RMST: variants seen among roughly 807,000 people sequenced by gnomAD.
RMST encodes long intergenic non-protein coding RNA 54.
At chr12:97,489,909 A>T (rs1282799076) in intron 5 of RMST, among the ~76,000 whole-genome samples, 1 of 152,208 alleles carries the variant, frequency 6.6e-6, no homozygotes, top group African/African-American at 2.4e-5. Context: ...ACTAAGTCAT[A>T]AGGAAATAAA....
chr12:97,490,670 G>T (rs1296555063), intron 5 of RMST, among the ~76,000 whole-genome samples: 1 of 151,936 alleles, frequency 6.6e-6, no homozygotes, highest in Non-Finnish European at 1.5e-5. Context: ...ACATTCTCAG[G>T]GCTTTCATAT....
rs79484814 is a variant in RMST, at chr12:97,482,037, C to T, written n.645-10424C>T. Among the ~76,000 whole-genome samples the T allele has an allele frequency of 2.2e-3, 339 of 152,256 alleles. 1 individual carries two copies. The highest frequency in any genetic ancestry group is 7.8e-3 in the African/African-American group (325 of 41,548). On this transcript the variant is annotated intron_variant and non_coding_transcript_variant, in intron 5 of 13. Transcript: ENST00000640149. ...CCTATGTTTTACAACACTGTTTATT[C>T]ACTGTCTCTTTTTGTTCCTCCTAAT... is the stretch of plus-strand genomic sequence containing the variant.
intron 11 of RMST, among the ~76,000 whole-genome samples, chr12:97,559,248 T>C (rs972078254): frequency 6.6e-6 from 1 of 152,156 alleles, no homozygotes; most frequent in African/African-American, 2.4e-5. Flanking sequence ...AAACTCAAAA[T>C]TGTATAAACA....
rs915280730 is a variant in RMST, at chr12:97,548,700, G to A, written n.1546-11837G>A. On this transcript the variant is annotated intron_variant and non_coding_transcript_variant, in intron 11 of 13. Coordinates refer to ENST00000640149, the Ensembl canonical transcript of RMST. ...CTGCTAATTTTTATATGGTAACTTT[G>A]TATTCTGCAGATTTACTGAATTTGT... 2.6e-5 allele frequency among the ~76,000 whole-genome samples: 4 copies of A among 151,906 alleles called. No individual in the cohort carries two copies. The South Asian group carries it at 8.3e-4, about 31-fold the overall frequency.
intron 5 of RMST, among the ~76,000 whole-genome samples, chr12:97,469,141 A>AGTGTGTGTGT (rs10585876): frequency 4.3e-5 from 6 of 138,382 alleles, no homozygotes; most frequent in African/African-American, 1.1e-4. Flanking sequence ...AAGAGAAACC[A>AGTGTGTGTGT]GTGTGTGTGT....
intron 10 of RMST, among the ~76,000 whole-genome samples, chr12:97,520,881 G>T (rs1880442682): frequency 6.6e-6 from 1 of 152,200 alleles, no homozygotes; most frequent in Non-Finnish European, 1.5e-5. Flanking sequence ...TAAGAATCCT[G>T]CTGGGCAGTG....
chr12:97,504,007 C>T (rs1283731806), intron 10 of RMST, among the ~76,000 whole-genome samples: 3 of 152,174 alleles, frequency 2.0e-5, no homozygotes, highest in African/African-American at 7.2e-5. Flanking sequence ...CTCAGTGCAA[C>T]CTCTGCCTCC....
intron 5 of RMST, among the ~76,000 whole-genome samples, chr12:97,471,950 G>A (rs1284287592): frequency 6.6e-6 from 1 of 151,968 alleles, no homozygotes; most frequent in African/African-American, 2.4e-5. Context: ...TGGGGACATT[G>A]CATATTAATT....
chr12:97,541,110 T>G (rs532646332), intron 11 of RMST: 1 of 151,766 alleles, frequency 6.6e-6, no homozygotes, highest in Admixed American at 6.6e-5. Flanking sequence ...TACATACACT[T>G]CTGGCTTTCT....
At chr12:97,480,680 A>G (rs1322453248) in intron 5 of RMST, among the ~76,000 whole-genome samples, 1 of 152,188 alleles carries the variant, frequency 6.6e-6, no homozygotes, top group Non-Finnish European at 1.5e-5. Flanking sequence ...TTCTAGTCTT[A>G]TCTCTAACAA....
chr12:97,480,325 C>T (rs1593141637), intron 5 of RMST, among the ~76,000 whole-genome samples: 2 of 152,026 alleles, frequency 1.3e-5, no homozygotes, highest in Admixed American at 6.6e-5. Flanking sequence ...CTTCTGACCT[C>T]GTGATCTGCC....
intron 5 of RMST, among the ~76,000 whole-genome samples, chr12:97,471,539 C>A (rs1210737583): frequency 6.6e-6 from 1 of 152,124 alleles, no homozygotes; most frequent in East Asian, 1.9e-4. Context: ...CAGAAATGAA[C>A]TGTGCTCCAA....
intron 10 of RMST, among the ~76,000 whole-genome samples, chr12:97,504,403 CAAAAAAA>C (rs5800313): frequency 8.8e-5 from 5 of 56,598 alleles, no homozygotes; most frequent in Non-Finnish European, 1.9e-4. Flanking sequence ...GACTTCATTT[CAAAAAAA>C]AAAAAAAAAA....
intron 11 of RMST, chr12:97,551,741 C>T (rs1229185242): frequency 6.6e-6 from 1 of 151,988 alleles, no homozygotes; most frequent in Non-Finnish European, 1.5e-5. Flanking sequence ...TTCATATCAC[C>T]CACGAGGGAG....
intron 5 of RMST, among the ~76,000 whole-genome samples, chr12:97,482,957 T>G (rs1875604386): frequency 6.6e-6 from 1 of 151,806 alleles, no homozygotes; most frequent in African/African-American, 2.4e-5. Context: ...ACTGTAAGTT[T>G]CTTGAGGGGA....
At chr12:97,552,201 A>G (rs2136651788) in intron 11 of RMST, 1 of 152,334 alleles carries the variant, frequency 6.6e-6, no homozygotes, top group African/African-American at 2.4e-5. Context: ...GAGTTTGTGC[A>G]TAGAGGAAGA....
chr12:97,535,025 T>C (rs1881961877), intron 11 of RMST, among the ~76,000 whole-genome samples: 1 of 151,712 alleles, frequency 6.6e-6, no homozygotes. Context: ...TTCTAGGTTT[T>C]TTTAAAAAAA....
chr12:97,495,970 G>A (rs1877369841), exon 10 of RMST: 1 of 152,128 alleles, frequency 6.6e-6, no homozygotes, highest in African/African-American at 2.4e-5. Context: ...AGACTGCGTG[G>A]CTACATTTTC....
At chr12:97,548,110 A>C (rs1024187269) in intron 11 of RMST, among the ~76,000 whole-genome samples, 4 of 152,076 alleles carry the variant, frequency 2.6e-5, no homozygotes, top group Non-Finnish European at 5.9e-5. Flanking sequence ...ATTCTTCTCC[A>C]TGTGAATGTT....
Sources: gnomAD v4.1 joint callset for allele counts (sites outside exome capture counted in the v4.1 genomes callset) on GRCh38, gnomAD v4.1.1 for gene constraint, MANE v1.5 for transcripts, NCBI Gene and HGNC (gene_info 2026-07-23, HGNC 2026-07-21) for gene names.